The following FRMPD1 variants were observed in gnomAD, a reference collection of about 807,000 sequenced individuals.
The protein encoded by FRMPD1 is FERM and PDZ domain-containing protein 1.
In FRMPD1, 76 loss-of-function variants were observed where a neutral mutation model predicts 117.8. That is an observed-to-expected ratio of 0.65 (90% CI 0.54 to 0.78). The LOEUF (loss-of-function observed/expected upper bound fraction) is 0.78. Among genes scored for constraint, FRMPD1 ranks in the 30% least tolerant of loss-of-function variants. The probability of loss-of-function intolerance (pLI) is 0.00; values close to 1 mark genes in which losing one functional copy is unlikely to be tolerated. For missense variants in FRMPD1, 1,786 were observed against 1,964.5 expected, an observed-to-expected ratio of 0.91 and a Z score of 1.72; for synonymous variants, 783 against 770.4, an observed-to-expected ratio of 1.02 and a Z score of -0.27.
the FRMPD1 span, among the ~76,000 whole-genome samples, chr9:37,627,347 G>A: frequency 6.6e-6 from 1 of 152,096 alleles, no homozygotes; most frequent in South Asian, 2.1e-4. Flanking sequence ...TAGCTCTCCT[G>A]ACAAAATTTT....
chr9:37,646,903 T>G (rs1349285481), upstream of FRMPD1, among the ~76,000 whole-genome samples: 1 of 152,202 alleles, frequency 6.6e-6, no homozygotes, highest in Non-Finnish European at 1.5e-5. Context: ...GTATGGGCAC[T>G]TAGCAGATGA....
At chr9:37,738,746 G>C (rs372148597) in intron 14 of FRMPD1, among the ~76,000 whole-genome samples, 15 of 152,084 alleles carry the variant, frequency 9.9e-5, no homozygotes, top group Admixed American at 1.3e-4. Context: ...GAGGGGTTGT[G>C]GGGGGGACTG....
rs148659844 is a variant in FRMPD1, at chr9:37,738,464, C to G, written c.1549+1221C>G. Among the ~76,000 whole-genome samples the G allele has an allele frequency of 1.1e-3, 164 of 152,222 alleles. 2 individuals are homozygous for G. The East Asian group carries it at 0.029, about 27-fold the overall frequency. ...AAGTGATTCTCCTGCCTCAGCCTCC[C>G]AAGTAGCTGAGATTACAGACACCTG... On this transcript the variant is annotated intron_variant, in intron 14 of 15. Transcript: ENST00000377765.
In FRMPD1 at chr9:37,746,480, C is replaced by T. The variant is rs749748640; in HGVS notation, c.4448C>T (p.Pro1483Leu). The T allele has an allele frequency of 1.3e-5, 21 of 1,613,636 alleles. No individual in the cohort carries two copies. The highest frequency in any genetic ancestry group is 1.7e-5 in the Non-Finnish European group (20 of 1,180,052). Residue 1483 changes from proline to leucine, a missense_variant, in exon 16 of 16, where the codon CCC (proline) becomes CTC (leucine). Pro to Leu is a moderately conservative substitution (Grantham distance 98). Coordinates refer to ENST00000377765, the MANE Select transcript of FRMPD1 (RefSeq NM_014907.3). ...CATGTGATCAGAATGGACCAGTCCC[C>T]CGAAGAGATGCAGGGGGCCGTGCGT... ...CRHVIRMDQS[P>L]EEMQGAVRDT... is the part of the protein sequence containing the mutation.
the FRMPD1 span, among the ~76,000 whole-genome samples, chr9:37,604,509 T>C: frequency 6.6e-6 from 1 of 152,240 alleles, no homozygotes; most frequent in African/African-American, 2.4e-5. Context: ...TCACAAGGTA[T>C]GCTTAGAAGC....
At chr9:37,606,325 GA>G in the FRMPD1 span, among the ~76,000 whole-genome samples, 1 of 152,202 alleles carries the variant, frequency 6.6e-6, no homozygotes, top group Non-Finnish European at 1.5e-5. Context: ...CTTGAGTGAT[GA>G]AAAAATTGTT....
At chr9:37,724,096 A>G (rs908824493) in intron 6 of FRMPD1, 129 bp from the exon 7 acceptor site, 19 of 491,856 alleles carry the variant, frequency 3.9e-5, no homozygotes, top group Admixed American at 6.4e-5. Flanking sequence ...AGTCGCTTGA[A>G]CCTGGGAGTC....
chr9:37,619,916 G>GA, the FRMPD1 span, among the ~76,000 whole-genome samples: 619 of 130,928 alleles, frequency 4.7e-3, 1 homozygote, highest in East Asian at 5.4e-3. Context: ...GTAGACAGGG[G>GA]AAAAAAAAAA....
chr9:37,738,459 C>T (rs867035591), intron 14 of FRMPD1, among the ~76,000 whole-genome samples: 1 of 152,144 alleles, frequency 6.6e-6, no homozygotes, highest in South Asian at 2.1e-4. Flanking sequence ...CCTGCCTCAG[C>T]CTCCCAAGTA....
chr9:37,706,186 C>T (rs1216775873), intron 2 of FRMPD1, among the ~76,000 whole-genome samples: 1 of 152,018 alleles, frequency 6.6e-6, no homozygotes, highest in Non-Finnish European at 1.5e-5. Flanking sequence ...CATACAGATC[C>T]TAAATTTGCT....
At chr9:37,665,332 G>A (rs1410996826) in intron 1 of FRMPD1, among the ~76,000 whole-genome samples, 1 of 152,182 alleles carries the variant, frequency 6.6e-6, no homozygotes, top group Non-Finnish European at 1.5e-5. Flanking sequence ...ACTTTTATAA[G>A]AGGGAGGAAA....
At chr9:37,741,753 G>T (rs1432140913) in intron 15 of FRMPD1, among the ~76,000 whole-genome samples, 5 of 152,074 alleles carry the variant, frequency 3.3e-5, no homozygotes, top group Non-Finnish European at 7.4e-5. Context: ...CTGCCATACA[G>T]ACCTCCTTGC....
the FRMPD1 span, among the ~76,000 whole-genome samples, chr9:37,610,941 A>G: frequency 6.6e-6 from 1 of 152,190 alleles, no homozygotes; most frequent in Non-Finnish European, 1.5e-5. Context: ...TATTTTATGT[A>G]TGGACATACT....
At chr9:37,733,083 C>T (rs1823962548) in intron 10 of FRMPD1, among the ~76,000 whole-genome samples, 2 of 152,158 alleles carry the variant, frequency 1.3e-5, no homozygotes, top group Admixed American at 6.5e-5. Context: ...TAGGCTGGCA[C>T]CATGCTGAAG....
At chr9:37,699,429 C>T (rs568622665) in intron 2 of FRMPD1, among the ~76,000 whole-genome samples, 82 of 151,122 alleles carry the variant, frequency 5.4e-4, no homozygotes, top group South Asian at 2.1e-3. Context: ...AAGTGATTCT[C>T]GTGCCTCAGC....
At chr9:37,657,975 C>T (rs753844642) in intron 1 of FRMPD1, among the ~76,000 whole-genome samples, 7 of 152,016 alleles carry the variant, frequency 4.6e-5, no homozygotes, top group South Asian at 2.1e-4. Flanking sequence ...ATCTTCCTCT[C>T]GGCAATGGTT....
chr9:37,604,163 C>T, the FRMPD1 span, among the ~76,000 whole-genome samples: 6 of 152,214 alleles, frequency 3.9e-5, no homozygotes, highest in South Asian at 1.2e-3. Context: ...ACTATAAAAT[C>T]ATAAAAATTC....
Position 37,740,421 on chromosome 9 carries a change from C to T in FRMPD1, c.1893C>T (p.Gly631=). The stretch of plus-strand genomic sequence containing the variant: ...GCAGGTCCACCTTCTTCCACTTTGG[C>T]TCGCCAGGCCTCGCAGAGAGCATTG... ...SSSRSTFFHF[G]SPGLAESIDS... Residue 631 remains glycine (G), a synonymous_variant, in exon 15 of 16, where the codon GGC becomes GGT. Coordinates refer to ENST00000377765, the MANE Select transcript of FRMPD1 (RefSeq NM_014907.3). This position sits in a 1 kb window ranked among gnomAD's most constrained non-coding sequence, Gnocchi z 4.2. 5 of 1,614,132 alleles carry T rather than the reference C, an allele frequency of 3.1e-6. No homozygotes were observed. Among genetic ancestry groups the T allele is most frequent in the Non-Finnish European group, 4.2e-6 (5 of 1,180,016 alleles).
intron 10 of FRMPD1, among the ~76,000 whole-genome samples, chr9:37,733,118 C>T (rs181379479): frequency 1.2e-4 from 19 of 152,268 alleles, no homozygotes; most frequent in African/African-American, 4.1e-4. Flanking sequence ...TTCACAGGAG[C>T]TCTGCGTTGC....
Sources: gnomAD v4.1 joint callset for allele counts (sites outside exome capture counted in the v4.1 genomes callset) on GRCh38, gnomAD v4.1.1 for gene constraint, Gnocchi (gnomAD v3.1) non-coding constraint, MANE v1.5 for transcripts, NCBI Gene and HGNC (gene_info 2026-07-23, HGNC 2026-07-21) for gene names.